The following CMAS variants were observed in gnomAD, a reference collection of about 807,000 sequenced individuals.
CMAS encodes the protein cytidine monophosphate N-acetylneuraminic acid synthetase.
A neutral mutation model predicts 53.4 loss-of-function variants in CMAS; 21 were observed. The observed-to-expected ratio is 0.39, with a 90% CI of 0.28 to 0.57. The LOEUF is 0.57. CMAS is among the 20% of genes least tolerant of loss of function. The pLI, the probability that CMAS is intolerant of heterozygous loss-of-function variation, is 0.56. For synonymous variants in CMAS, 189 were observed against 195.2 expected (o/e 0.97, Z 0.27); for missense variants, 384 against 534.9 (o/e 0.72, Z 2.78).
In CMAS at chr12:22,061,264, A is replaced by G; in HGVS notation, c.789-17A>G. On this transcript the variant is annotated splice_polypyrimidine_tract_variant and intron_variant, in intron 5 of 7. Coordinates refer to ENST00000229329, the MANE Select transcript of CMAS (RefSeq NM_018686.6). ...GTACTGCACTTGTACTCAAAGGTCT[A>G]TTTTGGTTTCTTTTAGATATGGCTA... 6.3e-7 allele frequency: 1 copy of G among 1,595,196 alleles called. No homozygotes were observed. The highest frequency in any genetic ancestry group is 8.6e-7 in the Non-Finnish European group (1 of 1,165,476).
intron 3 of CMAS, among the ~76,000 whole-genome samples, chr12:22,056,305 G>C (rs1213022470): frequency 6.6e-6 from 1 of 152,106 alleles, no homozygotes; most frequent in South Asian, 2.1e-4. Flanking sequence ...TCTGTAATCT[G>C]CTTCTTTCTT....
At chr12:22,055,896 C>T (rs929468373) in intron 3 of CMAS, among the ~76,000 whole-genome samples, 4 of 152,238 alleles carry the variant, frequency 2.6e-5, no homozygotes, top group East Asian at 3.9e-4. Flanking sequence ...AGATCAAATA[C>T]TTTTATGTTT....
At position 22,064,976 on chromosome 12, in the gene CMAS, C is replaced by T. The variant is rs1950336552; in HGVS notation, c.1115-145C>T. 4 of 512,750 alleles carry T rather than the reference C, an allele frequency of 7.8e-6. No individual in the cohort carries two copies. The East Asian group carries it at 8.5e-5, about 11-fold the overall frequency. 31.8% of individuals were successfully genotyped at this position (512,750 alleles called of 1,614,324 possible). On this transcript the variant is annotated intron_variant, in intron 7 of 7. Coordinates refer to ENST00000229329, the MANE Select transcript of CMAS (RefSeq NM_018686.6). Reference sequence around the variant, plus strand: ...ATTATACTGTAAAATATTTTTGTTCCATCTAATCTTTAGTATTCTTATATG... The same window carrying T: ...ATTATACTGTAAAATATTTTTGTTCTATCTAATCTTTAGTATTCTTATATG...
chr12:22,046,481 C>G lies in CMAS; in HGVS notation c.178C>G (p.Leu60Val), dbSNP rs759974914. ...CCGGGGAGGCAGCAAAGGCATCCCC[C>G]TGAAGAACATTAAGCACCTGGCGGG... is the stretch of plus-strand genomic sequence containing the variant. ...LARGGSKGIP[L>V]KNIKHLAGVP... The change falls in exon 1 of 8, where the codon CTG becomes GTG. Residue 60 changes from leucine to valine, a missense_variant. Leu to Val is a conservative substitution (Grantham distance 32). Transcript: ENST00000229329. The G allele has an allele frequency of 1.2e-6, 2 of 1,610,096 alleles. No homozygotes were observed. Among genetic ancestry groups the G allele is most frequent in the Non-Finnish European group, 1.7e-6 (2 of 1,178,634 alleles).
At chr12:22,058,296 A>G (rs1171625376) in intron 3 of CMAS, among the ~76,000 whole-genome samples, 2 of 151,290 alleles carry the variant, frequency 1.3e-5, no homozygotes, top group African/African-American at 4.8e-5. Flanking sequence ...GTGGTGGTGC[A>G]TGCCTGTAGT....
At chr12:22,046,596 G>A in intron 1 of CMAS, 33 bp downstream of exon 1, 2 of 1,494,344 alleles carry the variant, frequency 1.3e-6, no homozygotes, top group South Asian at 1.3e-5. Flanking sequence ...GGCGCGGCCT[G>A]GGCGGGGGTC....
At chr12:22,048,855 C>T (rs1365445892) in intron 1 of CMAS, among the ~76,000 whole-genome samples, 1 of 152,136 alleles carries the variant, frequency 6.6e-6, no homozygotes, top group Non-Finnish European at 1.5e-5. Flanking sequence ...TCCAGATAAG[C>T]GCTAGTTAAC....
At chr12:22,055,357 A>G (rs1950261038) in intron 2 of CMAS, 66 bp downstream of exon 2, 2 of 1,483,664 alleles carry the variant, frequency 1.3e-6, no homozygotes, top group Non-Finnish European at 1.8e-6. Flanking sequence ...ATTATCTTAT[A>G]AGACTTGTTT....
intron 1 of CMAS, among the ~76,000 whole-genome samples, chr12:22,049,904 CAAA>C (rs11354131): frequency 2.1e-5 from 3 of 141,722 alleles, no homozygotes; most frequent in Non-Finnish European, 1.5e-5. Context: ...GACTCTGTCT[CAAA>C]AAAAAAAAAA....
At position 22,062,439 on chromosome 12, in the gene CMAS, G is replaced by GTATC. The variant is rs112403630; in HGVS notation, c.1114+7_1114+10dup. ...GGAAAGAAGTGGCATATCTTGGTTG[G>GTATC]TATCTTTTTATTCACCCATAGTAAA... On this transcript the variant is annotated splice_donor_region_variant and intron_variant, in intron 7 of 7. Transcript: ENST00000229329. 279 of 1,608,986 alleles carry GTATC rather than the reference G, an allele frequency of 1.7e-4. No homozygotes were observed. Among genetic ancestry groups the GTATC allele is most frequent in the Non-Finnish European group, 1.6e-4 (191 of 1,179,064 alleles).
chr12:22,054,129 G>GT lies in CMAS; in HGVS notation c.261-1018dup, dbSNP rs1407733873. Among the ~76,000 whole-genome samples the GT allele has an allele frequency of 9.9e-5, 15 of 151,920 alleles. 1 individual carries two copies. The South Asian group carries it at 3.1e-3, about 32-fold the overall frequency. ...TTTAGTAGAGTCCGGGTTTCACCGT[G>GT]TTGGCCAGGCTGGTCTCCATCTCGT... is the stretch of plus-strand genomic sequence containing the variant. On this transcript the variant is annotated intron_variant, in intron 1 of 7. Transcript: ENST00000229329.
chr12:22,058,625 C>G lies in CMAS; in HGVS notation c.618C>G (p.Asp206Glu). 4 of 1,613,608 alleles carry G rather than the reference C, an allele frequency of 2.5e-6. No homozygotes were observed. Among genetic ancestry groups the G allele is most frequent in the Non-Finnish European group, 3.4e-6 (4 of 1,179,750 alleles). Residue 206 changes from aspartate to glutamate, a missense_variant, in exon 4 of 8, where the codon GAC becomes GAG. Physicochemically the swap from Asp to Glu is conservative, Grantham distance 45. Transcript: ENST00000229329. ...LNPAKRPRRQ[D>E]WDGELYENGS... is the part of the protein sequence containing the mutation. Reference sequence around the variant, plus strand: ...CAGCTAAACGGCCTCGTCGACAAGACTGGGATGGAGAATTATATGAAAATG... The same window carrying G: ...CAGCTAAACGGCCTCGTCGACAAGAGTGGGATGGAGAATTATATGAAAATG...
In CMAS at chr12:22,055,547, TATG is replaced by T. The variant is rs1207474891; in HGVS notation, c.499_501del (p.Asp167del). 1 of 1,612,618 alleles carries T rather than the reference TATG, an allele frequency of 6.2e-7. No individual in the cohort carries two copies. Among genetic ancestry groups the T allele is most frequent in the African/African-American group, 1.3e-5 (1 of 75,010 alleles). ...TGCAGAAATGATTCGAGAAGAAGGA[TATG>T]ATTCTGTTTTCTCTGTTGTGAGACG... On this transcript the variant is annotated inframe_deletion, in exon 3 of 8. Transcript: ENST00000229329.
chr12:22,063,566 G>A (rs1275012335), intron 7 of CMAS, among the ~76,000 whole-genome samples: 3 of 152,174 alleles, frequency 2.0e-5, no homozygotes, highest in Non-Finnish European at 2.9e-5. Context: ...CCTACAGATA[G>A]TAATAAGTGT....
rs571643672 is a variant in CMAS, at chr12:22,052,336, G to A, written c.261-2813G>A. Among the ~76,000 whole-genome samples, 12 of 152,118 alleles carry A rather than the reference G, an allele frequency of 7.9e-5. No homozygotes were observed. The South Asian group carries it at 2.5e-3, about 32-fold the overall frequency. On this transcript the variant is annotated intron_variant, in intron 1 of 7. Coordinates refer to ENST00000229329, the MANE Select transcript of CMAS (RefSeq NM_018686.6). ...CAGAATCGTGCCTGGGACAGAATAAGCACTTAGTAAATGGTTCATAAATTA... is the reference window on the plus strand; with the variant it reads ...CAGAATCGTGCCTGGGACAGAATAAACACTTAGTAAATGGTTCATAAATTA...
At position 22,061,387 on chromosome 12, in the gene CMAS, G is replaced by A; in HGVS notation, c.895G>A (p.Glu299Lys). ...GHIYVSGDQKEIISYDVKDAI... is the reference protein window; with the variant it reads ...GHIYVSGDQKKIISYDVKDAI... ...CATTTATGTATCAGGAGACCAAAAA[G>A]AAATAATATCTTATGATGTAAAAGA... Residue 299 changes from glutamate (E) to lysine (K), a missense_variant, in exon 6 of 8, where the codon GAA becomes AAA. Glu to Lys is a moderately conservative substitution (Grantham distance 56). This residue lies in a region of CMAS where 139 missense variants were observed against 248.0 expected (regional missense o/e 0.56). Transcript: ENST00000229329. The A allele has an allele frequency of 6.2e-7, 1 of 1,606,916 alleles. No homozygotes were observed. Among genetic ancestry groups the A allele is most frequent in the Non-Finnish European group, 8.5e-7 (1 of 1,174,338 alleles).
chr12:22,056,895 T>G (rs935371613), intron 3 of CMAS, among the ~76,000 whole-genome samples: 1 of 152,112 alleles, frequency 6.6e-6, no homozygotes, highest in Non-Finnish European at 1.5e-5. Context: ...CCACCGATAC[T>G]AGGAAAGATT....
intron 1 of CMAS, among the ~76,000 whole-genome samples, chr12:22,049,940 A>G (rs1950230423): frequency 6.6e-6 from 1 of 152,180 alleles, no homozygotes; most frequent in Non-Finnish European, 1.5e-5. Flanking sequence ...TAAACTAGCA[A>G]AATGAATGTA....
At chr12:22,051,417 A>G (rs1477092558) in intron 1 of CMAS, among the ~76,000 whole-genome samples, 4 of 152,176 alleles carry the variant, frequency 2.6e-5, no homozygotes, top group Admixed American at 2.6e-4. Context: ...TGCTGTTATT[A>G]TCCCTAAAAT....
Sources: allele counts gnomAD v4.1 joint callset (sites outside exome capture counted in the v4.1 genomes callset), GRCh38; gene constraint gnomAD v4.1.1; regional missense constraint gnomAD v4.1.1; transcripts MANE v1.5; gene names NCBI Gene and HGNC (gene_info 2026-07-23, HGNC 2026-07-21).